The following RABGAP1L variants were observed in gnomAD, a reference collection of about 807,000 sequenced individuals.
RABGAP1L encodes the protein RAB GTPase activating protein 1 like.
Under a neutral mutation model 137.7 loss-of-function variants are expected in RABGAP1L, and 63 were observed. That is an observed-to-expected ratio of 0.46 (90% confidence interval 0.37 to 0.56). The LOEUF (loss-of-function observed/expected upper bound fraction) is 0.56. Among genes scored for constraint, RABGAP1L ranks in the 20% least tolerant of loss-of-function variants. The pLI, the probability that RABGAP1L is intolerant of heterozygous loss-of-function variation, is 0.00. For synonymous variants in RABGAP1L, 431 were observed against 433.7 expected, an observed-to-expected ratio of 0.99 and a Z score of 0.08; for missense variants, 1,095 against 1,244.0, an observed-to-expected ratio of 0.88 and a Z score of 1.80.
At chr1:174,358,285 T>C (rs1258051437) in intron 11 of RABGAP1L, among the ~76,000 whole-genome samples, 1 of 152,076 alleles carries the variant, frequency 6.6e-6, no homozygotes. Context: ...CCCAATCAGG[T>C]CCATTTATGC....
At chr1:174,596,411 T>A (rs1310558755) in intron 13 of RABGAP1L, among the ~76,000 whole-genome samples, 1 of 152,178 alleles carries the variant, frequency 6.6e-6, no homozygotes, top group Non-Finnish European at 1.5e-5. Context: ...TGTTTTGTAG[T>A]TCTTATTGTA....
intron 10 of RABGAP1L, among the ~76,000 whole-genome samples, chr1:174,289,078 C>T (rs940901966): frequency 1.3e-5 from 2 of 152,140 alleles, no homozygotes; most frequent in African/African-American, 4.8e-5. Flanking sequence ...CACTGTGTCA[C>T]CCAGCCTGGA....
chr1:174,540,163 G>T (rs1027528924), intron 13 of RABGAP1L, among the ~76,000 whole-genome samples: 1 of 152,242 alleles, frequency 6.6e-6, no homozygotes, highest in Non-Finnish European at 1.5e-5. Context: ...TTGTAAATTT[G>T]TTTAAGTTCT....
chr1:174,396,310 A>G (rs866856606), intron 13 of RABGAP1L, among the ~76,000 whole-genome samples: 5 of 152,244 alleles, frequency 3.3e-5, no homozygotes, highest in Middle Eastern at 3.4e-3. Flanking sequence ...TAAATGGTGA[A>G]TTTTATGTTA....
At chr1:174,442,503 G>C (rs1205396496) in intron 13 of RABGAP1L, among the ~76,000 whole-genome samples, 1 of 152,050 alleles carries the variant, frequency 6.6e-6, no homozygotes, top group Admixed American at 6.6e-5. Flanking sequence ...TTCTCTGAAA[G>C]GAAGTTCAAC....
chr1:174,711,191 T>C (rs1157767721), intron 17 of RABGAP1L, among the ~76,000 whole-genome samples: 1 of 152,050 alleles, frequency 6.6e-6, no homozygotes, highest in Non-Finnish European at 1.5e-5. Context: ...AAGTGCCATG[T>C]ACAGCCCCGG....
chr1:174,870,276 A>G lies in RABGAP1L; in HGVS notation c.2340+58316A>G, dbSNP rs75884933. On this transcript the variant is annotated intron_variant, in intron 19 of 25. Coordinates refer to ENST00000681986, the MANE Select transcript of RABGAP1L (RefSeq NM_001366446.1). The stretch of plus-strand genomic sequence containing the variant: ...CTAAATTATTTTTTCCCTGTAAAAA[A>G]TTATTTCACTTTGCCTATCTAAATT... Among the ~76,000 whole-genome samples, 108 of 152,340 alleles carry G rather than the reference A, an allele frequency of 7.1e-4. 2 individuals are homozygous for G. The East Asian group carries it at 0.015, about 22-fold the overall frequency.
In RABGAP1L at chr1:174,988,722, G is replaced by C; in HGVS notation, c.2887G>C (p.Asp963His). The C allele has an allele frequency of 6.5e-7, 1 of 1,549,554 alleles. No homozygotes were observed. The highest frequency in any genetic ancestry group is 1.2e-5 in the South Asian group (1 of 83,886). ...GAAACTAGCAGCCACAGGCAGAGAGGACCAGGGAATTGAAACAGATGATGA... is the reference window on the plus strand; with the variant it reads ...GAAACTAGCAGCCACAGGCAGAGAGCACCAGGGAATTGAAACAGATGATGA... The part of the protein sequence containing the change: ...ALKLAATGRE[D>H]QGIETDDEKD... The change falls in exon 25 of 26, where the codon GAC becomes CAC. Residue 963 changes from aspartate (D) to histidine (H), a missense_variant. Coordinates refer to ENST00000681986, the MANE Select transcript of RABGAP1L (RefSeq NM_001366446.1).
At chr1:174,321,954 C>T (rs1177751159) in intron 11 of RABGAP1L, among the ~76,000 whole-genome samples, 1 of 151,848 alleles carries the variant, frequency 6.6e-6, no homozygotes, top group Non-Finnish European at 1.5e-5. Context: ...ACTTGTCTTA[C>T]TGATTTATTA....
At position 174,786,344 on chromosome 1, in the gene RABGAP1L, A is replaced by G. The variant is rs573014139; in HGVS notation, c.2212-25488A>G. ...GATTTTATAACACTTTATTAGTTAT[A>G]GCCAACTATGTTACTACTTCCATCA... is the stretch of plus-strand genomic sequence containing the variant. On this transcript the variant is annotated intron_variant, in intron 18 of 25. Coordinates refer to ENST00000681986, the MANE Select transcript of RABGAP1L (RefSeq NM_001366446.1). 5.2e-5 allele frequency among the ~76,000 whole-genome samples: 8 copies of G among 152,386 alleles called. No individual in the cohort carries two copies. The South Asian group carries it at 1.7e-3, about 32-fold the overall frequency.
rs142032855 is a variant in RABGAP1L, at chr1:174,217,678, C to T, written c.-33-1447C>T. Among the ~76,000 whole-genome samples, 248 of 152,176 alleles carry T rather than the reference C, an allele frequency of 1.6e-3. 1 individual carries two copies. The highest frequency in any genetic ancestry group is 5.4e-3 in the African/African-American group (226 of 41,522). On this transcript the variant is annotated intron_variant, in intron 1 of 25. Transcript: ENST00000681986. The stretch of plus-strand genomic sequence containing the variant: ...AAACCTTCAGAGGACAGATGAATGT[C>T]GCTTGGGTTTTAAAAAGGAAGGGTG...
chr1:174,184,582 A>T (rs1216823885), intron 1 of RABGAP1L, among the ~76,000 whole-genome samples: 3 of 151,180 alleles, frequency 2.0e-5, no homozygotes, highest in East Asian at 3.9e-4. Flanking sequence ...CAGCATTTTT[A>T]AAAAAATAAA....
intron 13 of RABGAP1L, among the ~76,000 whole-genome samples, chr1:174,595,583 C>T (rs1243578569): frequency 2.0e-5 from 3 of 147,726 alleles, no homozygotes; most frequent in African/African-American, 7.6e-5. Context: ...AGACAGGACC[C>T]TCAGCTGCAG....
At chr1:174,923,265 A>G (rs1662129420) in intron 19 of RABGAP1L, among the ~76,000 whole-genome samples, 1 of 152,170 alleles carries the variant, frequency 6.6e-6, no homozygotes, top group African/African-American at 2.4e-5. Flanking sequence ...GTTAGTCATT[A>G]TTATCATTAC....
At chr1:174,851,667 C>G (rs1648369026) in intron 19 of RABGAP1L, among the ~76,000 whole-genome samples, 1 of 151,764 alleles carries the variant, frequency 6.6e-6, no homozygotes, top group Non-Finnish European at 1.5e-5. Context: ...CACGCACCAC[C>G]ATGCACAGCT....
rs192113078 is a variant in RABGAP1L at position 174,643,412 on chromosome 1, C to G, written c.1824+5924C>G. On this transcript the variant is annotated intron_variant, in intron 14 of 25. Coordinates refer to ENST00000681986, the MANE Select transcript of RABGAP1L (RefSeq NM_001366446.1). ...ATGGGCTGCCAAGAAATCCTTTGAA[C>G]CCCTGGGGCCACCTGCTTTGCCAGC... Among the ~76,000 whole-genome samples the G allele has an allele frequency of 3.8e-4, 58 of 152,216 alleles. 1 individual carries two copies. In the East Asian group the frequency reaches 8.1e-3, roughly 21 times the overall value.
rs143730058 is a variant in RABGAP1L at position 174,410,080 on chromosome 1, C to T, written c.1710+15935C>T. Among the ~76,000 whole-genome samples, 183 of 152,218 alleles carry T rather than the reference C, an allele frequency of 1.2e-3. 1 individual carries two copies. Among genetic ancestry groups the T allele is most frequent in the African/African-American group, 3.6e-3 (148 of 41,536 alleles). ...TACTCCCTGTTTGTACACCCCCTCC[C>T]CTTTTGAAGTCCTTAATAAAAACCT... On this transcript the variant is annotated intron_variant, in intron 13 of 25. Transcript: ENST00000681986.
intron 12 of RABGAP1L, among the ~76,000 whole-genome samples, chr1:174,383,815 C>T (rs989192573): frequency 2.0e-5 from 3 of 151,432 alleles, no homozygotes; most frequent in African/African-American, 4.9e-5. Context: ...GGCTCCTCCT[C>T]GCAACTGCAA....
At chr1:174,520,855 G>T (rs1663299166) in intron 13 of RABGAP1L, among the ~76,000 whole-genome samples, 1 of 152,072 alleles carries the variant, frequency 6.6e-6, no homozygotes, top group African/African-American at 2.4e-5. Context: ...ATAAAAATTA[G>T]CTGGGCATGG....
Sources: allele counts gnomAD v4.1 joint callset (sites outside exome capture counted in the v4.1 genomes callset), GRCh38; gene constraint gnomAD v4.1.1; transcripts MANE v1.5; gene names NCBI Gene and HGNC (gene_info 2026-07-23, HGNC 2026-07-21).